Variants in ILDR2 observed in about 807,000 individuals in gnomAD.
ILDR2 encodes the protein immunoglobulin-like domain-containing receptor 2.
Under a neutral mutation model 66.8 loss-of-function variants are expected in ILDR2, and 25 were observed. The ratio of observed to expected loss-of-function variants is 0.37; its 90% CI spans 0.27 to 0.52. The LOEUF is 0.52. Among genes scored for constraint, ILDR2 ranks in the 20% least tolerant of loss-of-function variants. The pLI is 0.88. For missense variants in ILDR2, 827 were observed against 876.8 expected (o/e 0.94, Z 0.72); for synonymous variants, 367 against 357.2 (o/e 1.03, Z -0.31).
rs55902530 is a variant in ILDR2, at chr1:166,923,816, A to G, written c.995-1007T>C. Among the ~76,000 whole-genome samples, 846 of 152,388 alleles carry G rather than the reference A, an allele frequency of 5.6e-3. 8 individuals are homozygous for G. The highest frequency in any genetic ancestry group is 0.027 in the Middle Eastern group (8 of 294). On this transcript the variant is annotated intron_variant, in intron 7 of 9. Transcript: ENST00000271417. The stretch of plus-strand genomic sequence containing the variant: ...TTTGAAATGTATTGAATTTCATTGT[A>G]CTTAAAAAATAAATCTACTGAATCT...
chr1:166,972,586 C>A (rs1468831070), intron 1 of ILDR2, among the ~76,000 whole-genome samples: 1 of 152,118 alleles, frequency 6.6e-6, no homozygotes, highest in African/African-American at 2.4e-5. Context: ...AAATATATAA[C>A]AGGAAGACAT....
At position 166,921,198 on chromosome 1, in the gene ILDR2, G is replaced by A; in HGVS notation, c.1393C>T (p.His465Tyr). ...GAGTCGTCCTGGTAGAAGCCGCTGT[G>A]CGCCCGCGACTCCGAGCGCTCGAAG... ...SRFERSESRA[H>Y]SGFYQDDSLE... Residue 465 changes from histidine (H) to tyrosine (Y), a missense_variant, in exon 9 of 10, where the codon CAC (histidine) becomes TAC (tyrosine). By Grantham distance (83) the His-to-Tyr change is moderately conservative (BLOSUM62 2). Around this residue, in one of 2 missense-constraint regions of ILDR2, gnomAD observed 390 missense variants for 353.6 expected, o/e 1.10. Transcript: ENST00000271417. This position sits in a 1 kb window ranked among gnomAD's most constrained non-coding sequence, Gnocchi z 5.3. 3 of 1,578,912 alleles carry A rather than the reference G, an allele frequency of 1.9e-6. No homozygotes were observed. The highest frequency in any genetic ancestry group is 2.6e-6 in the Non-Finnish European group (3 of 1,169,644).
chr1:166,906,301 T>C (rs1477583337), downstream of ILDR2, among the ~76,000 whole-genome samples: 1 of 152,226 alleles, frequency 6.6e-6, no homozygotes, highest in Non-Finnish European at 1.5e-5. Context: ...ATTTTGTGTT[T>C]ATGCATTGAA....
intron 2 of ILDR2, among the ~76,000 whole-genome samples, chr1:166,902,174 G>A (rs1350044292): frequency 6.6e-6 from 1 of 152,206 alleles, no homozygotes; most frequent in Non-Finnish European, 1.5e-5. Flanking sequence ...TCTTTCTTTT[G>A]ACAGATGCAA....
In ILDR2 at chr1:166,932,176, G is replaced by A. The variant is rs74727324; in HGVS notation, c.880+3125C>T. On this transcript the variant is annotated intron_variant, in intron 6 of 9. Transcript: ENST00000271417. ...CTGAGAAAGGCAAAGAAAGATGAGC[G>A]CCTCAGAGTGGCAAATGCTTTTGAG... 5.4e-3 allele frequency among the ~76,000 whole-genome samples: 823 copies of A among 152,288 alleles called. 10 individuals are homozygous for A. The highest frequency in any genetic ancestry group is 0.019 in the African/African-American group (798 of 41,552).
intron 2 of ILDR2, among the ~76,000 whole-genome samples, chr1:166,900,536 T>G (rs1659241588): frequency 6.6e-6 from 1 of 152,252 alleles, no homozygotes; most frequent in South Asian, 2.1e-4. Context: ...TCTCTAATAT[T>G]AATTTCTTTC....
chr1:166,962,970 T>C (rs563131973), intron 1 of ILDR2, among the ~76,000 whole-genome samples: 117 of 152,322 alleles, frequency 7.7e-4, no homozygotes, highest in African/African-American at 2.7e-3. Context: ...TCTGCATATT[T>C]AACAAACACT....
chr1:166,929,875 A>G (rs1660532399), intron 6 of ILDR2, among the ~76,000 whole-genome samples: 1 of 152,106 alleles, frequency 6.6e-6, no homozygotes, highest in Non-Finnish European at 1.5e-5. Context: ...AAGTCTGGGT[A>G]TCATGATTAT....
chr1:166,922,541 T>C, intron 8 of ILDR2, 52 bp downstream of exon 8: 1 of 1,491,368 alleles, frequency 6.7e-7, no homozygotes, highest in Non-Finnish European at 9.3e-7. Flanking sequence ...CTACCCTGCC[T>C]TCCAGCTCCT....
chr1:166,898,629 T>G (rs186130130), intron 2 of ILDR2, among the ~76,000 whole-genome samples: 29 of 152,338 alleles, frequency 1.9e-4, no homozygotes, highest in Admixed American at 3.3e-4. Context: ...CTCTGAAGCT[T>G]TGCATATTAT....
chr1:166,960,094 C>T (rs147631238), intron 1 of ILDR2, among the ~76,000 whole-genome samples: 20 of 152,288 alleles, frequency 1.3e-4, no homozygotes, highest in African/African-American at 4.1e-4. Context: ...TGTTTGTACT[C>T]ATATCTTCTG....
chr1:166,950,222 T>C (rs986669840), intron 3 of ILDR2, among the ~76,000 whole-genome samples: 1 of 152,194 alleles, frequency 6.6e-6, no homozygotes, highest in African/African-American at 2.4e-5. Flanking sequence ...CCTCATTCTT[T>C]TTCCCTCTTC....
chr1:166,958,201 C>A, intron 1 of ILDR2, 100 bp from the exon 2 acceptor site: 1 of 940,244 alleles, frequency 1.1e-6, no homozygotes, highest in Non-Finnish European at 1.6e-6. Flanking sequence ...TAACTTGTGT[C>A]CCCTCAACCT....
At chr1:166,899,118 G>A (rs1237458649) in intron 2 of ILDR2, among the ~76,000 whole-genome samples, 2 of 151,896 alleles carry the variant, frequency 1.3e-5, no homozygotes, top group South Asian at 2.1e-4. Flanking sequence ...TTGGCCGGGC[G>A]CAATGGCTCA....
intron 3 of ILDR2, among the ~76,000 whole-genome samples, chr1:166,947,799 C>T (rs556492733): frequency 1.3e-5 from 2 of 152,096 alleles, no homozygotes; most frequent in South Asian, 2.1e-4. Flanking sequence ...AATTGAAGGC[C>T]GAGTTTCCTC....
chr1:166,933,713 A>G (rs1360233314), intron 6 of ILDR2, among the ~76,000 whole-genome samples: 1 of 152,242 alleles, frequency 6.6e-6, no homozygotes, highest in African/African-American at 2.4e-5. Flanking sequence ...TAGAAAAAAG[A>G]CAAAGAGTAT....
intron 3 of ILDR2, among the ~76,000 whole-genome samples, chr1:166,941,024 A>G (rs576561939): frequency 2.0e-5 from 3 of 152,304 alleles, no homozygotes; most frequent in Non-Finnish European, 4.4e-5. Context: ...TTTAGTGAGC[A>G]GGGTAGAGGG....
intron 3 of ILDR2, among the ~76,000 whole-genome samples, chr1:166,953,106 T>G (rs1042678266): frequency 1.3e-5 from 2 of 152,188 alleles, no homozygotes; most frequent in Admixed American, 1.3e-4. Context: ...GTGTCTTAAT[T>G]TACTTTGGAG....
chr1:166,950,256 A>G (rs1661892866), intron 3 of ILDR2, among the ~76,000 whole-genome samples: 1 of 152,162 alleles, frequency 6.6e-6, no homozygotes, highest in African/African-American at 2.4e-5. Context: ...TCTTAGAAAG[A>G]AACAGCAGCA....
Sources: gnomAD v4.1 joint callset for allele counts (sites outside exome capture counted in the v4.1 genomes callset) on GRCh38, gnomAD v4.1.1 for gene constraint, gnomAD v4.1.1 regional missense constraint, Gnocchi (gnomAD v3.1) non-coding constraint, MANE v1.5 for transcripts, NCBI Gene and HGNC (gene_info 2026-07-23, HGNC 2026-07-21) for gene names.